ACAD11: variants seen among roughly 807,000 people sequenced by gnomAD.
ACAD11 encodes the protein acyl-Coenzyme A dehydrogenase family, member 11.
In ACAD11, 83 loss-of-function variants were observed where a neutral mutation model predicts 102.2. That is an observed-to-expected ratio of 0.81 (90% CI 0.68 to 0.97). ACAD11 has a LOEUF of 0.97. Among genes scored for constraint, ACAD11 ranks in the 50% least tolerant of loss-of-function variants. The probability of loss-of-function intolerance (pLI) is 0.00; values close to 1 mark genes in which losing one functional copy is unlikely to be tolerated. For synonymous variants in ACAD11, 324 were observed against 319.8 expected (o/e 1.01, Z -0.14); for missense variants, 901 against 951.7 (o/e 0.95, Z 0.70).
Position 132,643,593 on chromosome 3 carries a change from A to G in ACAD11, c.250-791T>C, listed in dbSNP as rs114316720. 2.0e-3 allele frequency among the ~76,000 whole-genome samples: 303 copies of G among 152,278 alleles called. 3 individuals carry two copies. Among genetic ancestry groups the G allele is most frequent in the African/African-American group, 7.0e-3 (291 of 41,548 alleles). The stretch of plus-strand genomic sequence containing the variant: ...AGGGGAAGCTATGCAGCTCATTTTG[A>G]CATCAGGAAGTAAAGCAGGGGCTGT... On this transcript the variant is annotated intron_variant, in intron 2 of 19. Coordinates refer to ENST00000264990, the MANE Select transcript of ACAD11 (RefSeq NM_032169.5).
chr3:132,629,379 C>G (rs1055078463), intron 7 of ACAD11, among the ~76,000 whole-genome samples: 1 of 152,086 alleles, frequency 6.6e-6, no homozygotes, highest in African/African-American at 2.4e-5. Flanking sequence ...AGGCTGGTCT[C>G]GAACTCCTGA....
chr3:132,596,500 T>G (rs140711373), intron 13 of ACAD11, among the ~76,000 whole-genome samples: 3 of 152,152 alleles, frequency 2.0e-5, no homozygotes, highest in Admixed American at 6.6e-5. Context: ...AGACTGAGCC[T>G]GGCCTTGCAT....
chr3:132,569,568 G>C (rs1052429840), intron 17 of ACAD11, among the ~76,000 whole-genome samples: 3 of 152,152 alleles, frequency 2.0e-5, no homozygotes, highest in African/African-American at 7.2e-5. Flanking sequence ...AAACAACCCA[G>C]ATGTCCCTCA....
intron 1 of ACAD11, among the ~76,000 whole-genome samples, chr3:132,656,337 T>C (rs1271032177): frequency 6.6e-6 from 1 of 152,208 alleles, no homozygotes; most frequent in African/African-American, 2.4e-5. Context: ...CTCAGGAGTA[T>C]GTATCTATGA....
intron 1 of ACAD11, among the ~76,000 whole-genome samples, chr3:132,651,990 C>T (rs1240850013): frequency 6.6e-6 from 1 of 152,118 alleles, no homozygotes; most frequent in Non-Finnish European, 1.5e-5. Flanking sequence ...CTTTGGGGGA[C>T]TGTCAGAAGG....
At chr3:132,653,471 T>C (rs958401504) in intron 1 of ACAD11, among the ~76,000 whole-genome samples, 10 of 152,230 alleles carry the variant, frequency 6.6e-5, no homozygotes, top group African/African-American at 2.4e-4. Context: ...ATTAGAGTCC[T>C]GCCTTCTTAA....
At chr3:132,560,284 T>G (rs567482944) in intron 18 of ACAD11, among the ~76,000 whole-genome samples, 1 of 152,300 alleles carries the variant, frequency 6.6e-6, no homozygotes, top group Admixed American at 6.5e-5. Context: ...TTTAGCAGTT[T>G]TATGGGCTTT....
intron 9 of ACAD11, among the ~76,000 whole-genome samples, chr3:132,619,878 T>C (rs1225559679): frequency 6.6e-6 from 1 of 152,226 alleles, no homozygotes; most frequent in African/African-American, 2.4e-5. Context: ...TATTAATACA[T>C]AGCTGTGCTG....
chr3:132,627,266 A>AC (rs1006903328), intron 8 of ACAD11, among the ~76,000 whole-genome samples: 3 of 151,238 alleles, frequency 2.0e-5, no homozygotes, highest in South Asian at 2.1e-4. Context: ...TGTTGGCAGG[A>AC]CCCCCCCTTT....
chr3:132,568,010 C>T (rs1050449565), intron 17 of ACAD11, among the ~76,000 whole-genome samples: 7 of 152,170 alleles, frequency 4.6e-5, no homozygotes, highest in Admixed American at 6.5e-5. Context: ...GTGAGTTCAG[C>T]GAGGCCACAG....
At chr3:132,649,359 G>A (rs1178914729) in intron 1 of ACAD11, among the ~76,000 whole-genome samples, 2 of 152,248 alleles carry the variant, frequency 1.3e-5, no homozygotes, top group African/African-American at 2.4e-5. Context: ...TCTGGGATAG[G>A]AGAAAAGCCA....
Position 132,618,757 on chromosome 3 carries a change from C to T in ACAD11, c.1291G>A (p.Glu431Lys), listed in dbSNP as rs542883164. ...GGCAAAAACAAGTTCCAGAGACCCT[C>T]GACTTTGGCCATTTCCTGTCAAGGT... is the stretch of plus-strand genomic sequence containing the variant. ...IDKLKEMAKV[E>K]GLWNLFLPAV... The change falls in exon 11 of 20, where the codon GAG becomes AAG. Residue 431 changes from glutamate (E) to lysine (K), a missense_variant. By Grantham distance (56) the Glu-to-Lys change is moderately conservative. Coordinates refer to ENST00000264990, the MANE Select transcript of ACAD11 (RefSeq NM_032169.5). The T allele has an allele frequency of 1.6e-5, 25 of 1,593,038 alleles. No individual in the cohort carries two copies. In the African/African-American group the frequency reaches 2.4e-4, roughly 16 times the overall value.
At chr3:132,612,046 A>G (rs1321913196) in intron 11 of ACAD11, among the ~76,000 whole-genome samples, 2 of 152,032 alleles carry the variant, frequency 1.3e-5, no homozygotes, top group African/African-American at 2.4e-5. Flanking sequence ...AATGGAACAG[A>G]ACAGAGCCCT....
Position 132,561,112 on chromosome 3 carries a change from C to A in ACAD11, c.2107G>T (p.Ala703Ser). Residue 703 changes from alanine (A) to serine (S), a missense_variant, in exon 18 of 20, where the codon GCT (alanine) becomes TCT (serine). Transcript: ENST00000264990. ...GAAGGTAGCCTCACCTCTTTCTTAGCGCCAGCACTGCCCAGAGTGTCCATG... is the reference window on the plus strand; with the variant it reads ...GAAGGTAGCCTCACCTCTTTCTTAGAGCCAGCACTGCCCAGAGTGTCCATG... ...HSMDTLGSAG[A>S]KKEIAMIKVA... 1 of 1,612,618 alleles carries A rather than the reference C, an allele frequency of 6.2e-7. No individual in the cohort carries two copies. The highest frequency in any genetic ancestry group is 8.5e-7 in the Non-Finnish European group (1 of 1,179,056).
intron 11 of ACAD11, among the ~76,000 whole-genome samples, chr3:132,613,358 C>G (rs1030303035): frequency 6.6e-6 from 1 of 151,496 alleles, no homozygotes; most frequent in Non-Finnish European, 1.5e-5. Context: ...GACATGTACC[C>G]TAAAACTTTA....
intron 17 of ACAD11, among the ~76,000 whole-genome samples, chr3:132,563,336 C>T (rs1480360996): frequency 6.6e-6 from 1 of 152,120 alleles, no homozygotes; most frequent in Non-Finnish European, 1.5e-5. Flanking sequence ...TCTTTATCTA[C>T]AAAATTGTCC....
chr3:132,627,390 A>T lies in ACAD11; in HGVS notation c.1071-573T>A, dbSNP rs1460488857. Among the ~76,000 whole-genome samples the T allele has an allele frequency of 2.0e-5, 3 of 152,176 alleles. No homozygotes were observed. In the East Asian group the frequency reaches 5.8e-4, roughly 29 times the overall value. The stretch of plus-strand genomic sequence containing the variant: ...AACCTGGATTTTAGCTGAACTAAGG[A>T]GCAAAAAATCCCGCTTCATTAGTTT... On this transcript the variant is annotated intron_variant, in intron 8 of 19. Coordinates refer to ENST00000264990, the MANE Select transcript of ACAD11 (RefSeq NM_032169.5).
chr3:132,631,039 C>T (rs1442248407), intron 6 of ACAD11, among the ~76,000 whole-genome samples: 1 of 152,106 alleles, frequency 6.6e-6, no homozygotes, highest in East Asian at 1.9e-4. Flanking sequence ...GCACTGTACT[C>T]CAGCCCGGGT....
chr3:132,600,467 T>C lies in ACAD11; in HGVS notation c.1621+2762A>G, dbSNP rs1371312622. On this transcript the variant is annotated intron_variant, in intron 13 of 19. Coordinates refer to ENST00000264990, the MANE Select transcript of ACAD11 (RefSeq NM_032169.5). The stretch of plus-strand genomic sequence containing the variant: ...AAATGAAATGAATGGCACTTATGAC[T>C]ACAGTCAATATGAACTGATCTGTAT... 3 of 1,613,480 alleles carry C rather than the reference T, an allele frequency of 1.9e-6. No homozygotes were observed. The African/African-American group carries it at 4.0e-5, about 22-fold the overall frequency.
Sources: gnomAD v4.1 joint callset for allele counts (sites outside exome capture counted in the v4.1 genomes callset) on GRCh38, gnomAD v4.1.1 for gene constraint, MANE v1.5 for transcripts, NCBI Gene and HGNC (gene_info 2026-07-23, HGNC 2026-07-21) for gene names.